The following SLC36A1 variants were observed in gnomAD, a reference collection of about 807,000 sequenced individuals.
The protein encoded by SLC36A1 is solute carrier family 36 member 1.
SLC36A1 carries 30 observed loss-of-function variants against 47.5 expected under a neutral mutation model. The observed-to-expected ratio is 0.63, with a 90% CI of 0.47 to 0.86. The LOEUF (loss-of-function observed/expected upper bound fraction) is 0.86. SLC36A1 is among the 40% of genes least tolerant of loss of function. SLC36A1 has a pLI of 0.00. For missense variants in SLC36A1, 517 were observed against 606.0 expected (o/e 0.85, Z 1.54); for synonymous variants, 255 against 249.7 (o/e 1.02, Z -0.20).
intron 2 of SLC36A1, among the ~76,000 whole-genome samples, chr5:151,462,440 C>A (rs1755661643): frequency 6.6e-6 from 1 of 151,856 alleles, no homozygotes; most frequent in Admixed American, 6.6e-5. Flanking sequence ...TCTTGGCTCA[C>A]TGCAACCTCT....
At chr5:151,346,702 C>T in the SLC36A1 span, among the ~76,000 whole-genome samples, 3 of 152,152 alleles carry the variant, frequency 2.0e-5, no homozygotes, top group Non-Finnish European at 4.4e-5. Context: ...TGTAGCTTGG[C>T]TTCCCTCTTT....
chr5:151,391,210 G>A, the SLC36A1 span, among the ~76,000 whole-genome samples: 2,303 of 151,982 alleles, frequency 0.015, 23 homozygotes, highest in African/African-American at 0.03. Context: ...CTCTCTGTCT[G>A]TTATTGGTGT....
At chr5:151,537,422 G>GGAAAGGAGAGGAAA in the SLC36A1 span, among the ~76,000 whole-genome samples, 1 of 100,276 alleles carries the variant, frequency 1.0e-5, no homozygotes, top group Admixed American at 1.0e-4. Context: ...AAGGAAAAAA[G>GGAAAGGAGAGGAAA]GAAAGGAGAG....
the SLC36A1 span, among the ~76,000 whole-genome samples, chr5:151,539,795 AAC>A: frequency 1.3e-5 from 2 of 152,248 alleles, no homozygotes; most frequent in African/African-American, 4.8e-5. Flanking sequence ...TCTCCTGACA[AAC>A]ACACATACAC....
At chr5:151,537,752 A>G in the SLC36A1 span, 152 of 1,583,182 alleles carry the variant, frequency 9.6e-5, 2 homozygotes, top group South Asian at 1.6e-3. Context: ...GGTATTCAGT[A>G]AAGAAGTTCT....
Position 151,479,372 on chromosome 5 carries a change from G to T in SLC36A1, c.1042G>T (p.Ala348Ser). 1 of 1,614,150 alleles carries T rather than the reference G, an allele frequency of 6.2e-7. No individual in the cohort carries two copies. Among genetic ancestry groups the T allele is most frequent in the Non-Finnish European group, 8.5e-7 (1 of 1,180,020 alleles). The stretch of plus-strand genomic sequence containing the variant: ...CTCCATCGGGATCTTTTTCACCTAC[G>T]CACTCCAGTTCTACGTCCCGGCTGA... ...LYSIGIFFTY[A>S]LQFYVPAEII... Residue 348 changes from alanine (A) to serine (S), a missense_variant, in exon 10 of 11, where the codon GCA (alanine) becomes TCA (serine). Transcript: ENST00000243389.
the SLC36A1 span, chr5:151,554,729 T>C: frequency 1.5e-6 from 2 of 1,347,406 alleles, no homozygotes; most frequent in African/African-American, 3.1e-5. Flanking sequence ...TTAGTGACTA[T>C]GCTTTAACAA....
the SLC36A1 span, chr5:151,529,471 C>CT: frequency 8.1e-7 from 1 of 1,239,876 alleles, no homozygotes; most frequent in South Asian, 1.2e-5. Flanking sequence ...GAGCCCAGCC[C>CT]TAGGAGAGGC....
chr5:151,474,927 C>G (rs1308283890), intron 8 of SLC36A1, among the ~76,000 whole-genome samples: 1 of 152,222 alleles, frequency 6.6e-6, no homozygotes, highest in East Asian at 1.9e-4. Flanking sequence ...AACCTAGAAG[C>G]TGTACACATT....
the SLC36A1 span, among the ~76,000 whole-genome samples, chr5:151,350,324 CTG>C: frequency 1.3e-5 from 2 of 152,194 alleles, no homozygotes; most frequent in African/African-American, 4.8e-5. Flanking sequence ...GATGAGGAAA[CTG>C]AGGCTCAGAG....
chr5:151,418,242 CTG>C, the SLC36A1 span, among the ~76,000 whole-genome samples: 5 of 152,322 alleles, frequency 3.3e-5, no homozygotes, highest in South Asian at 1.0e-3. Flanking sequence ...GGGGTTGCAG[CTG>C]CCACACAGTT....
the SLC36A1 span, among the ~76,000 whole-genome samples, chr5:151,406,797 G>A: frequency 1.3e-5 from 2 of 152,100 alleles, no homozygotes; most frequent in Non-Finnish European, 2.9e-5. Context: ...GTTCTAGTGT[G>A]TCCGGAATTG....
chr5:151,545,915 C>T, the SLC36A1 span: 4 of 1,614,036 alleles, frequency 2.5e-6, no homozygotes, highest in South Asian at 1.1e-5. Flanking sequence ...TCAGTAAATG[C>T]ACCTGCCATA....
chr5:151,461,602 A>G (rs538828946), intron 2 of SLC36A1, among the ~76,000 whole-genome samples: 10 of 152,304 alleles, frequency 6.6e-5, no homozygotes, highest in African/African-American at 2.4e-4. Flanking sequence ...TAATAATACT[A>G]AGATGTTATC....
At chr5:151,355,548 G>C in the SLC36A1 span, among the ~76,000 whole-genome samples, 3 of 152,118 alleles carry the variant, frequency 2.0e-5, no homozygotes, top group East Asian at 1.9e-4. Flanking sequence ...AGCATTATCT[G>C]TAATAGCAAA....
At chr5:151,530,451 C>T in the SLC36A1 span, among the ~76,000 whole-genome samples, 78 of 152,074 alleles carry the variant, frequency 5.1e-4, no homozygotes, top group African/African-American at 1.7e-3. Context: ...CCAATCCAAA[C>T]GATGGAAAAT....
the SLC36A1 span, among the ~76,000 whole-genome samples, chr5:151,498,921 C>T: frequency 5.3e-5 from 8 of 152,226 alleles, no homozygotes; most frequent in African/African-American, 1.9e-4. Flanking sequence ...TACCTGCCTG[C>T]GCTGGAGACG....
At chr5:151,521,223 G>A in the SLC36A1 span, 1 of 1,526,474 alleles carries the variant, frequency 6.6e-7, no homozygotes, top group South Asian at 1.3e-5. Flanking sequence ...CTTAGAGTCA[G>A]GCGGGCTGAG....
the SLC36A1 span, chr5:151,431,495 G>C: frequency 1.3e-5 from 2 of 152,182 alleles, no homozygotes; most frequent in African/African-American, 4.8e-5. Flanking sequence ...GATATGGTTT[G>C]GTTGTGCCCC....
Sources: gnomAD v4.1 joint callset for allele counts (sites outside exome capture counted in the v4.1 genomes callset) on GRCh38, gnomAD v4.1.1 for gene constraint, MANE v1.5 for transcripts, NCBI Gene and HGNC (gene_info 2026-07-23, HGNC 2026-07-21) for gene names.